The following VASH2 variants were observed in gnomAD, a reference collection of about 807,000 sequenced individuals.
VASH2 encodes the protein vasohibin 2.
In VASH2, 28 loss-of-function variants were observed where a neutral mutation model predicts 37.2. The ratio of observed to expected loss-of-function variants is 0.75; its 90% CI spans 0.56 to 1.03. The LOEUF is 1.03. Among genes scored for constraint, VASH2 ranks in the 50% least tolerant of loss-of-function variants. VASH2 has a pLI of 0.00. For synonymous variants in VASH2, 188 were observed against 174.7 expected (o/e 1.08, Z -0.60); for missense variants, 419 against 459.1 (o/e 0.91, Z 0.80).
At chr1:212,976,544 T>G (rs1667176564) in intron 7 of VASH2, among the ~76,000 whole-genome samples, 1 of 146,052 alleles carries the variant, frequency 6.8e-6, no homozygotes, top group African/African-American at 2.6e-5. Context: ...TGCTCTCCAG[T>G]CTGGGCGAAG....
In VASH2 at chr1:212,973,731, A is replaced by G. The variant is rs1346490729; in HGVS notation, c.880-224A>G. 6 of 1,329,886 alleles carry G rather than the reference A, an allele frequency of 4.5e-6. No homozygotes were observed. The East Asian group carries it at 1.3e-4, about 28-fold the overall frequency. The allele number at this position is 1,329,886 out of a possible 1,614,324, so 82.4% of individuals were successfully genotyped here. ...ACGGCACAGGGAGCACAATGTGACC[A>G]TCTGTATATCTGTCTTGGAAGTGGT... On this transcript the variant is annotated intron_variant, in intron 6 of 7. Transcript: ENST00000517399.
At chr1:212,969,336 C>T (rs1044979692) in intron 5 of VASH2, 1 of 313,032 alleles carries the variant, frequency 3.2e-6, no homozygotes, top group Non-Finnish European at 4.6e-6. Context: ...GGGACAACAA[C>T]AGGCGCACGC....
intron 7 of VASH2, among the ~76,000 whole-genome samples, chr1:212,979,244 C>G (rs1667267637): frequency 6.6e-6 from 1 of 152,214 alleles, no homozygotes; most frequent in Non-Finnish European, 1.5e-5. Flanking sequence ...AGCCTTTTCT[C>G]TAGGTAATCT....
rs542871161 is a variant in VASH2, at chr1:212,988,557, T to C, written c.1041T>C (p.Asn347=). Residue 347 remains asparagine (N), a synonymous_variant, in exon 8 of 8, where the codon AAT becomes AAC. Transcript: ENST00000517399. ...AGGTGGCTGATCTGAGCACTCTGAA[T>C]GAAGTGGGCTATCAAATCCGAATTT... ...EKKVADLSTL[N]EVGYQIRI 1.8e-5 allele frequency: 29 copies of C among 1,614,186 alleles called. No individual in the cohort carries two copies. In the African/African-American group the frequency reaches 3.5e-4, roughly 19 times the overall value.
intron 7 of VASH2, 126 bp from the exon 8 acceptor site, chr1:212,988,386 G>A: frequency 4.4e-6 from 4 of 913,172 alleles, no homozygotes; most frequent in Non-Finnish European, 6.9e-6. Flanking sequence ...TGGCAGGGTG[G>A]GGGAATGGGA....
intron 2 of VASH2, among the ~76,000 whole-genome samples, chr1:212,960,237 GTTCTT>G (rs1558142771): frequency 6.6e-6 from 1 of 152,170 alleles, no homozygotes; most frequent in Non-Finnish European, 1.5e-5. Flanking sequence ...CCTGACTTTG[GTTCTT>G]TCTCTTCCTG....
intron 5 of VASH2, among the ~76,000 whole-genome samples, chr1:212,969,656 C>T (rs533689863): frequency 1.3e-5 from 2 of 152,348 alleles, no homozygotes; most frequent in South Asian, 4.1e-4. Flanking sequence ...CCGCCTCAGC[C>T]TCCCAAACAG....
At chr1:212,957,696 C>T (rs1044904563) in intron 2 of VASH2, among the ~76,000 whole-genome samples, 9 of 151,516 alleles carry the variant, frequency 5.9e-5, no homozygotes, top group South Asian at 2.1e-4. Context: ...CTGCAACCTC[C>T]GCCTCTCAGG....
Position 212,972,689 on chromosome 1 carries a change from C to T in VASH2, c.607C>T (p.Arg203Cys), listed in dbSNP as rs749602409. Residue 203 changes from arginine (R) to cysteine (C), a missense_variant, in exon 6 of 8, where the codon CGC becomes TGC. Physicochemically the swap from Arg to Cys is radical, Grantham distance 180. Transcript: ENST00000517399. ...TGTGCTGGGGATTTACTGCAATGGC[C>T]GCTATGGCTCATTGGGCATGAGCCG... ...HVVLGIYCNG[R>C]YGSLGMSRRA... is the part of the protein sequence containing the mutation. 27 of 1,614,050 alleles carry T rather than the reference C, an allele frequency of 1.7e-5. No homozygotes were observed. The highest frequency in any genetic ancestry group is 2.2e-5 in the Non-Finnish European group (26 of 1,180,052).
At chr1:212,953,883 C>G (rs1666402245) in intron 2 of VASH2, among the ~76,000 whole-genome samples, 1 of 152,166 alleles carries the variant, frequency 6.6e-6, no homozygotes, top group South Asian at 2.1e-4. Context: ...TCTTTGTCCA[C>G]AGATAGCTCC....
chr1:212,975,676 G>A (rs1054768624), intron 7 of VASH2, among the ~76,000 whole-genome samples: 1 of 152,240 alleles, frequency 6.6e-6, no homozygotes, highest in African/African-American at 2.4e-5. Flanking sequence ...GGGTCATTTA[G>A]CATAGAGTGA....
intron 3 of VASH2, 25 bp from the exon 4 acceptor site, chr1:212,965,697 C>G (rs2102634438): frequency 1.3e-6 from 2 of 1,544,968 alleles, no homozygotes; most frequent in Non-Finnish European, 1.8e-6. Context: ...TTTTCTGTCA[C>G]TTTCCCTTTA....
At chr1:212,980,483 A>G (rs957005290) in intron 7 of VASH2, among the ~76,000 whole-genome samples, 14 of 151,900 alleles carry the variant, frequency 9.2e-5, no homozygotes, top group South Asian at 2.1e-4. Flanking sequence ...TCTCTGTGGC[A>G]GTTCATGGCT....
chr1:212,957,768 G>T (rs1334904325), intron 2 of VASH2, among the ~76,000 whole-genome samples: 1 of 152,006 alleles, frequency 6.6e-6, no homozygotes, highest in Non-Finnish European at 1.5e-5. Flanking sequence ...CTACCACCAT[G>T]CCCAGCTGAT....
chr1:212,953,129 G>C (rs973138633), intron 2 of VASH2, among the ~76,000 whole-genome samples: 2 of 152,112 alleles, frequency 1.3e-5, no homozygotes, highest in African/African-American at 4.8e-5. Context: ...GGAAAAAAAC[G>C]CCTGTTCCTA....
At chr1:212,983,370 CTTG>C (rs1263562643) in intron 7 of VASH2, among the ~76,000 whole-genome samples, 1 of 152,176 alleles carries the variant, frequency 6.6e-6, no homozygotes, top group East Asian at 1.9e-4. Flanking sequence ...TGAGAGCCTT[CTTG>C]TTGCACTGTC....
intron 7 of VASH2, among the ~76,000 whole-genome samples, chr1:212,981,940 G>A (rs1667351153): frequency 6.6e-6 from 1 of 152,222 alleles, no homozygotes; most frequent in African/African-American, 2.4e-5. Context: ...ATCTGGTCAG[G>A]CCGAGCTCCT....
intron 7 of VASH2, among the ~76,000 whole-genome samples, chr1:212,977,268 C>T (rs373351169): frequency 3.9e-5 from 6 of 152,248 alleles, no homozygotes; most frequent in South Asian, 2.1e-4. Context: ...AACCAGCTTG[C>T]GGCTTTGAGC....
rs1666321010 is a variant in VASH2, at chr1:212,951,843, G to T, written c.276+25G>T. ...GGTCAGTGGCTTCCAGGGCGGAGTT[G>T]GGGGGCTGGGGGTAGGTAGGCAGCG... On this transcript the variant is annotated intron_variant, in intron 2 of 7. Coordinates refer to ENST00000517399, the MANE Select transcript of VASH2 (RefSeq NM_001301056.2). This position sits in a 1 kb window ranked among gnomAD's most constrained non-coding sequence, Gnocchi z 4.4. 6.3e-7 allele frequency: 1 copy of T among 1,584,844 alleles called. No homozygotes were observed. Among genetic ancestry groups the T allele is most frequent in the Non-Finnish European group, 8.5e-7 (1 of 1,171,092 alleles).
Sources: gnomAD v4.1 joint callset for allele counts (sites outside exome capture counted in the v4.1 genomes callset) on GRCh38, gnomAD v4.1.1 for gene constraint, Gnocchi (gnomAD v3.1) non-coding constraint, MANE v1.5 for transcripts, NCBI Gene and HGNC (gene_info 2026-07-23, HGNC 2026-07-21) for gene names.